Variants in CFAP299 observed in about 807,000 individuals in gnomAD.
CFAP299 encodes the protein cilia and flagella associated protein 299, also known as cilia- and flagella-associated protein 299.
A neutral mutation model predicts 27.0 loss-of-function variants in CFAP299; 21 were observed. The observed-to-expected ratio is 0.78, with a 90% CI of 0.55 to 1.12. The LOEUF (loss-of-function observed/expected upper bound fraction) is 1.12, where lower values mean the gene tolerates loss of function less well. CFAP299 is among the 50% of genes most tolerant of loss of function. CFAP299 has a pLI of 0.00. For synonymous variants in CFAP299, 104 were observed against 98.1 expected, an observed-to-expected ratio of 1.06 and a Z score of -0.36; for missense variants, 310 against 276.6, an observed-to-expected ratio of 1.12 and a Z score of -0.86.
At chr4:80,945,580 T>G (rs1249297303) in intron 5 of CFAP299, among the ~76,000 whole-genome samples, 1 of 152,298 alleles carries the variant, frequency 6.6e-6, no homozygotes, top group Non-Finnish European at 1.5e-5. Flanking sequence ...GAAGTCATTA[T>G]GTGTTTGACT....
chr4:80,940,587 A>G (rs1489907723), intron 4 of CFAP299, among the ~76,000 whole-genome samples: 1 of 152,162 alleles, frequency 6.6e-6, no homozygotes, highest in African/African-American at 2.4e-5. Flanking sequence ...CATTGTTAAA[A>G]TCGCTGTTGC....
chr4:80,475,517 T>A (rs1367659919), intron 2 of CFAP299, among the ~76,000 whole-genome samples: 1 of 152,162 alleles, frequency 6.6e-6, no homozygotes, highest in Non-Finnish European at 1.5e-5. Context: ...CCTGAGCAAC[T>A]GGGTAAATTG....
At chr4:80,686,847 T>G (rs2110010884) in intron 3 of CFAP299, among the ~76,000 whole-genome samples, 1 of 152,292 alleles carries the variant, frequency 6.6e-6, no homozygotes, top group Non-Finnish European at 1.5e-5. Context: ...GTATAACATT[T>G]CTGTTCCTTC....
intron 1 of CFAP299, among the ~76,000 whole-genome samples, chr4:80,345,001 G>T (rs1722653450): frequency 6.6e-6 from 1 of 152,052 alleles, no homozygotes; most frequent in East Asian, 1.9e-4. Flanking sequence ...AATAATAAGA[G>T]CAATATATGT....
At chr4:80,814,951 A>G (rs1332986359) in intron 3 of CFAP299, among the ~76,000 whole-genome samples, 1 of 152,212 alleles carries the variant, frequency 6.6e-6, no homozygotes, top group Non-Finnish European at 1.5e-5. Flanking sequence ...ACACACAGCC[A>G]TCACAAGAAA....
At chr4:80,717,907 T>C (rs1181548837) in intron 3 of CFAP299, among the ~76,000 whole-genome samples, 4 of 152,164 alleles carry the variant, frequency 2.6e-5, no homozygotes, top group Admixed American at 2.6e-4. Context: ...TTTTCATTAT[T>C]GGTGACTGTA....
chr4:80,577,045 A>C (rs1316892585), intron 2 of CFAP299, among the ~76,000 whole-genome samples: 2 of 152,110 alleles, frequency 1.3e-5, no homozygotes, highest in Non-Finnish European at 2.9e-5. Context: ...CTACACCCCT[A>C]CTGATTTATG....
At chr4:80,769,721 A>G (rs1414076970) in intron 3 of CFAP299, among the ~76,000 whole-genome samples, 1 of 152,096 alleles carries the variant, frequency 6.6e-6, no homozygotes, top group Non-Finnish European at 1.5e-5. Flanking sequence ...TCACAGTTCT[A>G]TATGTCAGAA....
intron 3 of CFAP299, among the ~76,000 whole-genome samples, chr4:80,849,969 C>T (rs1731419437): frequency 6.6e-6 from 1 of 152,000 alleles, no homozygotes; most frequent in Non-Finnish European, 1.5e-5. Flanking sequence ...TGAAATATCA[C>T]ACAGTACCCT....
chr4:80,473,876 G>A (rs572793711), intron 2 of CFAP299, among the ~76,000 whole-genome samples: 93 of 152,258 alleles, frequency 6.1e-4, no homozygotes, highest in African/African-American at 2.1e-3. Flanking sequence ...ACAGGCATGA[G>A]CCACCATTGA....
chr4:80,573,082 C>G (rs1468646230), intron 2 of CFAP299, among the ~76,000 whole-genome samples: 1 of 152,090 alleles, frequency 6.6e-6, no homozygotes, highest in South Asian at 2.1e-4. Context: ...ATTTACAGTG[C>G]TATCAACAGT....
At chr4:80,928,810 C>T (rs1409620633) in intron 4 of CFAP299, among the ~76,000 whole-genome samples, 1 of 152,090 alleles carries the variant, frequency 6.6e-6, no homozygotes, top group Non-Finnish European at 1.5e-5. Flanking sequence ...TTTTGGTGTT[C>T]ATTTTACCAT....
At chr4:80,513,088 G>A (rs1732399154) in intron 2 of CFAP299, among the ~76,000 whole-genome samples, 1 of 152,126 alleles carries the variant, frequency 6.6e-6, no homozygotes, top group African/African-American at 2.4e-5. Context: ...CCTGATATTA[G>A]CAAGACCATA....
At chr4:80,954,989 G>A (rs908559996) in intron 5 of CFAP299, among the ~76,000 whole-genome samples, 18 of 90,622 alleles carry the variant, frequency 2.0e-4, no homozygotes, top group Non-Finnish European at 3.4e-4. Flanking sequence ...GACAGAGCAA[G>A]ACTCCATCAA....
intron 2 of CFAP299, chr4:80,387,079 C>T (rs1305748073): frequency 2.2e-5 from 31 of 1,439,734 alleles, no homozygotes; most frequent in Admixed American, 3.4e-5. Context: ...TTGTGAGTGG[C>T]GGTCTGCAGG....
Position 80,420,074 on chromosome 4 carries a change from T to A in CFAP299, c.242+57190T>A, listed in dbSNP as rs1218374415. The A allele has an allele frequency of 1.0e-5, 4 of 386,892 alleles. No individual in the cohort carries two copies. The Admixed American group carries it at 1.1e-4, about 11-fold the overall frequency. The allele number at this position is 386,892 out of a possible 1,614,324, so 24.0% of individuals were successfully genotyped here. On this transcript the variant is annotated intron_variant, in intron 2 of 5. Transcript: ENST00000358105. Reference sequence around the variant, plus strand: ...AGGGGCCTGATCATAGCCAAGCAGGTTATGGTGGCAGAATAGATCATGGGA... The same window carrying A: ...AGGGGCCTGATCATAGCCAAGCAGGATATGGTGGCAGAATAGATCATGGGA...
At chr4:80,897,315 G>A (rs1320282082) in intron 4 of CFAP299, among the ~76,000 whole-genome samples, 1 of 152,152 alleles carries the variant, frequency 6.6e-6, no homozygotes, top group Non-Finnish European at 1.5e-5. Flanking sequence ...GAGCTAAGCT[G>A]TGCCTGGCAT....
intron 2 of CFAP299, among the ~76,000 whole-genome samples, chr4:80,539,527 G>C (rs1733902035): frequency 6.6e-6 from 1 of 152,146 alleles, no homozygotes; most frequent in Non-Finnish European, 1.5e-5. Flanking sequence ...TAGTTTTCTG[G>C]TACTTGGCTC....
At chr4:80,870,421 T>G (rs1240592380) in intron 4 of CFAP299, 14 of 1,059,148 alleles carry the variant, frequency 1.3e-5, no homozygotes, top group Non-Finnish European at 1.5e-5. Flanking sequence ...TCATGAGGCT[T>G]TTGCAGCACT....
Sources: gnomAD v4.1 joint callset for allele counts (sites outside exome capture counted in the v4.1 genomes callset) on GRCh38, gnomAD v4.1.1 for gene constraint, MANE v1.5 for transcripts, NCBI Gene and HGNC (gene_info 2026-07-23, HGNC 2026-07-21) for gene names.